PLCL1: variants seen among roughly 807,000 people sequenced by gnomAD.
The protein encoded by PLCL1 is inactive phospholipase C-like protein 1.
In PLCL1, 41 loss-of-function variants were observed where a neutral mutation model predicts 84.4. That is an observed-to-expected ratio of 0.49 (90% CI 0.38 to 0.63). The LOEUF is 0.63. Ranked by LOEUF, PLCL1 falls within the 30% of genes least tolerant of loss-of-function variation. The pLI, the probability that PLCL1 is intolerant of heterozygous loss-of-function variation, is 0.00. For missense variants in PLCL1, 1,206 were observed against 1,367.8 expected (o/e 0.88, Z 1.87); for synonymous variants, 490 against 488.3 (o/e 1.00, Z -0.05).
intron 1 of PLCL1, among the ~76,000 whole-genome samples, chr2:198,031,171 C>CA (rs1691407086): frequency 6.8e-6 from 1 of 146,602 alleles, no homozygotes; most frequent in Non-Finnish European, 1.5e-5. Flanking sequence ...AGGAGCTCAA[C>CA]ACCAGTCTGG....
At chr2:198,035,930 G>A (rs1042375593) in intron 1 of PLCL1, among the ~76,000 whole-genome samples, 1 of 152,196 alleles carries the variant, frequency 6.6e-6, no homozygotes, top group African/African-American at 2.4e-5. Context: ...CAGCTACTCA[G>A]GAGGCAGAGG....
chr2:197,921,999 CT>C (rs34033380), intron 1 of PLCL1, among the ~76,000 whole-genome samples: 5,619 of 121,634 alleles, frequency 0.046, 135 homozygotes, highest in Non-Finnish European at 0.054. Flanking sequence ...TTGATAAATT[CT>C]TTTTTTTTTT....
chr2:198,017,026 A>G (rs943842983), intron 1 of PLCL1, among the ~76,000 whole-genome samples: 1 of 152,156 alleles, frequency 6.6e-6, no homozygotes, highest in Non-Finnish European at 1.5e-5. Context: ...TAGGGGAATG[A>G]AGGTGGAGCC....
intron 1 of PLCL1, among the ~76,000 whole-genome samples, chr2:197,962,466 G>A (rs1689641552): frequency 6.6e-6 from 1 of 151,878 alleles, no homozygotes; most frequent in Admixed American, 6.6e-5. Context: ...TAATTTTTGT[G>A]GGTACACAGT....
chr2:197,998,007 C>T (rs187378517), intron 1 of PLCL1, among the ~76,000 whole-genome samples: 1 of 152,164 alleles, frequency 6.6e-6, no homozygotes, highest in African/African-American at 2.4e-5. Flanking sequence ...TTGCCAAGGG[C>T]TCAGAATTTG....
Position 197,903,468 on chromosome 2 carries a change from A to ATTTTTTTTTTTTTTT in PLCL1, c.240+98148_240+98162dup, listed in dbSNP as rs3056105. On this transcript the variant is annotated intron_variant, in intron 1 of 5. Coordinates refer to ENST00000428675, the MANE Select transcript of PLCL1 (RefSeq NM_006226.4). ...GTATCTTCCTTTTTACTCCATTTAAATTTTTTTTTTTTTTTTTTTTTTTTT... is the reference window on the plus strand; with the variant it reads ...GTATCTTCCTTTTTACTCCATTTAAATTTTTTTTTTTTTTTTTTTTTTTTTTTTTTTTTTTTTTTT... 9.2e-4 allele frequency among the ~76,000 whole-genome samples: 44 copies of ATTTTTTTTTTTTTTT among 47,796 alleles called. 5 individuals carry two copies. Among genetic ancestry groups the ATTTTTTTTTTTTTTT allele is most frequent in the East Asian group, 1.7e-3 (2 of 1,212 alleles). 31.4% of individuals were successfully genotyped at this position (47,796 alleles called of 152,430 possible).
At chr2:197,947,242 AT>A (rs1689296243) in intron 1 of PLCL1, among the ~76,000 whole-genome samples, 2 of 141,070 alleles carry the variant, frequency 1.4e-5, no homozygotes, top group African/African-American at 5.0e-5. Context: ...AGATAAATAT[AT>A]ATATATATAT....
At position 197,934,005 on chromosome 2, in the gene PLCL1, C is replaced by T. The variant is rs528966494; in HGVS notation, c.240+128666C>T. Reference sequence around the variant, plus strand: ...TGTGAATTGCTCCCGGAAATCTGTACGGCAAATGTAAGAGCATTTTGGCTC... The same window carrying T: ...TGTGAATTGCTCCCGGAAATCTGTATGGCAAATGTAAGAGCATTTTGGCTC... On this transcript the variant is annotated intron_variant, in intron 1 of 5. Coordinates refer to ENST00000428675, the MANE Select transcript of PLCL1 (RefSeq NM_006226.4). Among the ~76,000 whole-genome samples, 386 of 152,226 alleles carry T rather than the reference C, an allele frequency of 2.5e-3. 3 individuals are homozygous for T. Among genetic ancestry groups the T allele is most frequent in the Non-Finnish European group, 2.6e-3 (178 of 68,020 alleles).
At chr2:198,009,717 G>T (rs760455034) in intron 1 of PLCL1, among the ~76,000 whole-genome samples, 3 of 151,882 alleles carry the variant, frequency 2.0e-5, no homozygotes, top group Non-Finnish European at 4.4e-5. Context: ...TATGCAAAAA[G>T]TGTCATTGGA....
At chr2:198,005,285 A>G (rs528487048) in intron 1 of PLCL1, among the ~76,000 whole-genome samples, 1 of 152,364 alleles carries the variant, frequency 6.6e-6, no homozygotes, top group East Asian at 1.9e-4. Flanking sequence ...ATGTGAAATT[A>G]TGGCAAATTC....
At chr2:197,807,917 T>C (rs1183961285) in intron 1 of PLCL1, among the ~76,000 whole-genome samples, 2 of 152,206 alleles carry the variant, frequency 1.3e-5, no homozygotes, top group Non-Finnish European at 2.9e-5. Context: ...GACTGTCTTG[T>C]ATATTAATAA....
chr2:197,931,388 T>C (rs1480480924), intron 1 of PLCL1, among the ~76,000 whole-genome samples: 1 of 152,192 alleles, frequency 6.6e-6, no homozygotes, highest in African/African-American at 2.4e-5. Context: ...TTGATAGAAC[T>C]ATAATTACAA....
chr2:197,964,832 A>G (rs1035424975), intron 1 of PLCL1, among the ~76,000 whole-genome samples: 2 of 152,152 alleles, frequency 1.3e-5, no homozygotes, highest in Non-Finnish European at 2.9e-5. Context: ...TTCAGCATCA[A>G]TTGAAATAAT....
chr2:198,086,858 G>A (rs1371476008), intron 2 of PLCL1, among the ~76,000 whole-genome samples: 2 of 152,084 alleles, frequency 1.3e-5, no homozygotes, highest in Non-Finnish European at 2.9e-5. Context: ...CAATATATGT[G>A]TGTAATACAT....
intron 1 of PLCL1, among the ~76,000 whole-genome samples, chr2:198,080,131 G>T (rs570701003): frequency 9.2e-5 from 14 of 152,326 alleles, no homozygotes; most frequent in African/African-American, 3.4e-4. Flanking sequence ...GTCATCTAAT[G>T]AGCTACACAT....
chr2:197,910,782 T>C (rs546531909), intron 1 of PLCL1, among the ~76,000 whole-genome samples: 2 of 152,324 alleles, frequency 1.3e-5, no homozygotes, highest in South Asian at 2.1e-4. Context: ...CTGCAATAAA[T>C]GATGTGAGAA....
intron 1 of PLCL1, among the ~76,000 whole-genome samples, chr2:197,988,741 T>G (rs1690272011): frequency 6.6e-6 from 1 of 152,210 alleles, no homozygotes; most frequent in African/African-American, 2.4e-5. Context: ...AGATAGCCAG[T>G]AGTGAGATTG....
intron 1 of PLCL1, among the ~76,000 whole-genome samples, chr2:197,837,011 A>G (rs939526757): frequency 2.0e-5 from 3 of 152,130 alleles, no homozygotes; most frequent in Admixed American, 1.3e-4. Flanking sequence ...TATTGAGCAG[A>G]TTCTGTCAAG....
intron 1 of PLCL1, among the ~76,000 whole-genome samples, chr2:198,010,041 A>T (rs1415913622): frequency 6.6e-6 from 1 of 152,002 alleles, no homozygotes; most frequent in Non-Finnish European, 1.5e-5. Flanking sequence ...AATCCTGCAA[A>T]CTTTTCTAAA....
Sources: gnomAD v4.1 joint callset for allele counts (sites outside exome capture counted in the v4.1 genomes callset) on GRCh38, gnomAD v4.1.1 for gene constraint, MANE v1.5 for transcripts, NCBI Gene and HGNC (gene_info 2026-07-23, HGNC 2026-07-21) for gene names.